Variants in ACYP2 observed in about 807,000 individuals in gnomAD.
ACYP2 encodes the protein acylphosphatase-2.
In ACYP2, 12 loss-of-function variants were observed where a neutral mutation model predicts 11.2. The ratio of observed to expected loss-of-function variants is 1.08; its 90% CI spans 0.69 to 1.74. The LOEUF is 1.74. Among genes scored for constraint, ACYP2 ranks in the 40% most tolerant of loss-of-function variants. ACYP2 has a pLI of 0.00. For synonymous variants in ACYP2, 43 were observed against 32.2 expected (o/e 1.33, Z -1.13); for missense variants, 134 against 101.9 (o/e 1.31, Z -1.35).
At chr2:54,138,902 G>A (rs998454114) in intron 6 of ACYP2, among the ~76,000 whole-genome samples, 154 bp downstream of exon 3, 2 of 152,082 alleles carry the variant, frequency 1.3e-5, no homozygotes, top group Admixed American at 6.6e-5. Context: ...AGATCTCCCC[G>A]ACTCAGCCTC....
intron 4 of ACYP2, among the ~76,000 whole-genome samples, chr2:54,093,254 G>T (rs1678331315): frequency 6.6e-6 from 1 of 152,196 alleles, no homozygotes; most frequent in South Asian, 2.1e-4. Flanking sequence ...AAATCAATAT[G>T]TAAAGGTGTA....
At chr2:54,009,126 C>A (rs920840847) in intron 2 of ACYP2, among the ~76,000 whole-genome samples, 3 of 150,660 alleles carry the variant, frequency 2.0e-5, no homozygotes, top group African/African-American at 7.4e-5. Flanking sequence ...GCACTCCAGT[C>A]TGGGCAACAG....
intron 4 of ACYP2, among the ~76,000 whole-genome samples, chr2:54,080,801 T>C (rs1833498): frequency 0.58 from 87,504 of 151,646 alleles, 25,435 homozygotes; most frequent in East Asian, 0.72. Context: ...TTTTTTTCCC[T>C]TTTTAATAGA....
At chr2:54,120,022 G>A (rs1222388031) in intron 4 of ACYP2, among the ~76,000 whole-genome samples, 1 of 152,222 alleles carries the variant, frequency 6.6e-6, no homozygotes, top group East Asian at 1.9e-4. Context: ...GTATTGGAAG[G>A]AAGACCACAG....
chr2:54,090,556 G>A (rs534991094), intron 4 of ACYP2, among the ~76,000 whole-genome samples: 3 of 152,246 alleles, frequency 2.0e-5, no homozygotes, highest in Admixed American at 6.5e-5. Context: ...GCTTGAAACC[G>A]GGAGGTGGAG....
At chr2:54,133,300 C>T (rs1681027026) in intron 4 of ACYP2, among the ~76,000 whole-genome samples, 1 of 152,124 alleles carries the variant, frequency 6.6e-6, no homozygotes, top group Non-Finnish European at 1.5e-5. Flanking sequence ...TTGCTTGTAT[C>T]CCTGGTTCAT....
At chr2:54,172,042 C>T (rs1683241583) in intron 6 of ACYP2, among the ~76,000 whole-genome samples, 1 of 151,948 alleles carries the variant, frequency 6.6e-6, no homozygotes, top group Admixed American at 6.6e-5. Flanking sequence ...AGGGATACCC[C>T]ATCTCTACAA....
intron 2 of ACYP2, among the ~76,000 whole-genome samples, chr2:54,027,072 C>A (rs1359889305): frequency 6.6e-6 from 1 of 152,130 alleles, no homozygotes; most frequent in African/African-American, 2.4e-5. Context: ...TGAAAAATTG[C>A]CAAGATAGTA....
chr2:54,018,789 C>G (rs1380425960), intron 2 of ACYP2, among the ~76,000 whole-genome samples: 1 of 152,094 alleles, frequency 6.6e-6, no homozygotes, highest in East Asian at 1.9e-4. Flanking sequence ...ACTCTGTCGC[C>G]CAAGCTGGAG....
intron 4 of ACYP2, among the ~76,000 whole-genome samples, chr2:54,058,093 C>T (rs149647208): frequency 6.6e-6 from 1 of 152,068 alleles, no homozygotes; most frequent in South Asian, 2.1e-4. Context: ...GCATATGAAG[C>T]AATGATTGGT....
rs138042826 is a variant in ACYP2, at chr2:54,245,167, C to T, written c.405-59521C>T. 4.7e-3 allele frequency among the ~76,000 whole-genome samples: 719 copies of T among 152,192 alleles called. 7 individuals carry two copies. The highest frequency in any genetic ancestry group is 0.017 in the African/African-American group (688 of 41,502). On this transcript the variant is annotated intron_variant, in intron 6 of 6. Transcript: ENST00000607452. ...TCTGTTCCTGGCTATTTTCACTTAA[C>T]ATAATGTTCTTCAGTCCCATCCATG...
chr2:54,014,357 C>G (rs1673562572), intron 2 of ACYP2, among the ~76,000 whole-genome samples: 1 of 151,940 alleles, frequency 6.6e-6, no homozygotes, highest in Admixed American at 6.6e-5. Context: ...TGAAGTCTCA[C>G]TTTGTCACCC....
chr2:54,012,624 C>T (rs1673435374), intron 2 of ACYP2, among the ~76,000 whole-genome samples: 1 of 152,028 alleles, frequency 6.6e-6, no homozygotes, highest in African/African-American at 2.4e-5. Flanking sequence ...CGTCAGTCAC[C>T]AGAATCTGGT....
chr2:54,046,208 G>A (rs1675514406), intron 2 of ACYP2, among the ~76,000 whole-genome samples: 1 of 150,158 alleles, frequency 6.7e-6, no homozygotes, highest in Non-Finnish European at 1.5e-5. Context: ...AGGCGCAGTG[G>A]CTTACACCTG....
chr2:54,008,167 A>G (rs548560371), intron 2 of ACYP2, among the ~76,000 whole-genome samples: 1 of 152,334 alleles, frequency 6.6e-6, no homozygotes, highest in East Asian at 1.9e-4. Context: ...CTGAGGCTTA[A>G]TGCCTCTTTC....
At chr2:54,194,393 C>G (rs1479207016) in intron 6 of ACYP2, among the ~76,000 whole-genome samples, 1 of 152,062 alleles carries the variant, frequency 6.6e-6, no homozygotes, top group Non-Finnish European at 1.5e-5. Flanking sequence ...GTCAATTCTA[C>G]AGGAAGTAAA....
intron 4 of ACYP2, among the ~76,000 whole-genome samples, chr2:54,103,263 A>G (rs1361510364): frequency 6.6e-6 from 1 of 152,244 alleles, no homozygotes; most frequent in Non-Finnish European, 1.5e-5. Flanking sequence ...AGATAAAAGC[A>G]ACACATGTCC....
chr2:54,036,255 T>A (rs1286204662), intron 2 of ACYP2, among the ~76,000 whole-genome samples: 1 of 152,104 alleles, frequency 6.6e-6, no homozygotes, highest in African/African-American at 2.4e-5. Flanking sequence ...CCACCACACC[T>A]GGCTAATTTT....
chr2:54,079,870 T>A (rs976360517), intron 4 of ACYP2: 4 of 151,548 alleles, frequency 2.6e-5, no homozygotes, highest in Non-Finnish European at 5.9e-5. Flanking sequence ...ATCCTAAATA[T>A]CCCCAAATCT....
Sources: allele counts gnomAD v4.1 joint callset (sites outside exome capture counted in the v4.1 genomes callset), GRCh38; gene constraint gnomAD v4.1.1; transcripts MANE v1.5; gene names NCBI Gene and HGNC (gene_info 2026-07-23, HGNC 2026-07-21).